Variants in ABCA1 observed in about 807,000 individuals in gnomAD.
ABCA1 encodes the protein ATP binding cassette subfamily A member 1.
ABCA1 carries 133 observed loss-of-function variants against 262.5 expected under a neutral mutation model. The ratio of observed to expected loss-of-function variants is 0.51; its 90% CI spans 0.44 to 0.59. ABCA1 has a LOEUF of 0.59. Ranked by LOEUF, ABCA1 falls within the 20% of genes least tolerant of loss-of-function variation. The probability of loss-of-function intolerance (pLI) is 0.00; values close to 1 mark genes in which losing one functional copy is unlikely to be tolerated. For synonymous variants in ABCA1, 1,022 were observed against 1,043.5 expected (o/e 0.98, Z 0.40); for missense variants, 2,452 against 2,777.5 (o/e 0.88, Z 2.63).
intron 7 of ABCA1, among the ~76,000 whole-genome samples, chr9:104,850,514 A>C (rs1270391618): frequency 6.6e-6 from 1 of 152,268 alleles, no homozygotes; most frequent in African/African-American, 2.4e-5. Context: ...TAAAAGAGGA[A>C]GGACAGGTGA....
At chr9:104,807,322 A>G (rs1422762350) in intron 30 of ABCA1, among the ~76,000 whole-genome samples, 1 of 152,230 alleles carries the variant, frequency 6.6e-6, no homozygotes, top group Non-Finnish European at 1.5e-5. Context: ...GATAAGACAC[A>G]AAGCCTTCAA....
intron 2 of ABCA1, among the ~76,000 whole-genome samples, chr9:104,902,138 T>A (rs939473456): frequency 7.9e-5 from 12 of 152,202 alleles, no homozygotes; most frequent in Non-Finnish European, 1.5e-4. Flanking sequence ...TGAGGGATTA[T>A]ATTTAAGTTC....
intron 14 of ABCA1, 26 bp from the exon 15 acceptor site, chr9:104,829,164 G>C: frequency 1.2e-6 from 2 of 1,613,122 alleles, no homozygotes; most frequent in East Asian, 4.5e-5. Flanking sequence ...AAGGACAAGG[G>C]GAGAAAGAAA....
chr9:104,810,224 C>T (rs965662606), intron 29 of ABCA1, among the ~76,000 whole-genome samples: 31 of 149,222 alleles, frequency 2.1e-4, no homozygotes, highest in African/African-American at 7.4e-4. Flanking sequence ...CCCCCATCTA[C>T]AGGTCTACAA....
At chr9:104,870,546 C>T (rs958920119) in intron 5 of ABCA1, among the ~76,000 whole-genome samples, 4 of 152,202 alleles carry the variant, frequency 2.6e-5, no homozygotes, top group Non-Finnish European at 5.9e-5. Context: ...AAAGTTCATA[C>T]ATTGAAACTT....
chr9:104,833,621 CT>C (rs1833541960), intron 11 of ABCA1, among the ~76,000 whole-genome samples: 1 of 152,214 alleles, frequency 6.6e-6, no homozygotes, highest in Non-Finnish European at 1.5e-5. Context: ...GCACCTCCCC[CT>C]CCCCACTGTG....
intron 31 of ABCA1, among the ~76,000 whole-genome samples, chr9:104,805,175 A>G (rs1830657273): frequency 6.6e-6 from 1 of 152,158 alleles, no homozygotes. Flanking sequence ...CCCAGGTTCA[A>G]GCAATTCTCC....
chr9:104,879,914 G>A (rs1007389175), intron 5 of ABCA1, among the ~76,000 whole-genome samples: 1 of 152,138 alleles, frequency 6.6e-6, no homozygotes, highest in African/African-American at 2.4e-5. Context: ...TTCCATAAGA[G>A]GAAAGGAGGC....
At position 104,855,918 on chromosome 9, in the gene ABCA1, A is replaced by T. The variant is rs1835797882; in HGVS notation, c.720+2604T>A. The T allele has an allele frequency of 1.6e-5, 25 of 1,612,874 alleles. No homozygotes were observed. In the Middle Eastern group the frequency reaches 6.6e-4, roughly 43 times the overall value. On this transcript the variant is annotated intron_variant, in intron 7 of 49. Transcript: ENST00000374736. The stretch of plus-strand genomic sequence containing the variant: ...CACTCACGCACACACAAAAGGAGAA[A>T]TGTTTCAAAATATGTCTCTCGTGAA...
intron 4 of ABCA1, among the ~76,000 whole-genome samples, 173 bp from the exon 5 acceptor site, chr9:104,883,330 C>T (rs1838855394): frequency 6.6e-6 from 1 of 152,060 alleles, no homozygotes. Context: ...TCACCATGTT[C>T]CCTCCCCCAC....
chr9:104,837,673 C>T (rs1833945930), intron 9 of ABCA1, 106 bp from the exon 10 acceptor site: 11 of 1,333,574 alleles, frequency 8.2e-6, no homozygotes, highest in Non-Finnish European at 1.2e-5. Context: ...CCCAGCTCTA[C>T]CACTACTAGT....
At chr9:104,859,357 A>G (rs2482420) in intron 6 of ABCA1, among the ~76,000 whole-genome samples, 58,432 of 151,518 alleles carry the variant, frequency 0.39, 13,071 homozygotes, top group African/African-American at 0.63. Flanking sequence ...GCCTTTCTGG[A>G]CCTAAACTAT....
chr9:104,924,669 C>G (rs973884174), intron 1 of ABCA1, among the ~76,000 whole-genome samples: 2 of 151,012 alleles, frequency 1.3e-5, no homozygotes, highest in Non-Finnish European at 3.0e-5. Flanking sequence ...ATGCAAAAAC[C>G]ACATGCATTT....
chr9:104,788,379 G>A, intron 45 of ABCA1, 47 bp downstream of exon 45: 1 of 1,613,374 alleles, frequency 6.2e-7, no homozygotes, highest in Admixed American at 1.7e-5. Flanking sequence ...GGTATATATT[G>A]TCAGGATGCC....
intron 8 of ABCA1, among the ~76,000 whole-genome samples, chr9:104,842,918 TC>T (rs1196500311): frequency 6.6e-6 from 1 of 151,990 alleles, no homozygotes; most frequent in African/African-American, 2.4e-5. Flanking sequence ...GCTCCTCTCC[TC>T]CCCCCACCAC....
chr9:104,794,242 G>T, intron 40 of ABCA1, 145 bp downstream of exon 40: 1 of 1,244,926 alleles, frequency 8.0e-7, no homozygotes, highest in Non-Finnish European at 1.2e-6. Context: ...CAGCTGTGTT[G>T]GCATGAGCCC....
At chr9:104,882,604 C>T (rs1838788998) in intron 5 of ABCA1, among the ~76,000 whole-genome samples, 1 of 152,228 alleles carries the variant, frequency 6.6e-6, no homozygotes, top group South Asian at 2.1e-4. Flanking sequence ...AAATGAATTG[C>T]ATTCTCTTTT....
intron 49 of ABCA1, 141 bp from the exon 50 acceptor site, chr9:104,784,596 T>C (rs1828745594): frequency 2.9e-6 from 3 of 1,022,206 alleles, no homozygotes; most frequent in Middle Eastern, 3.1e-4. Context: ...GAAAACTGTG[T>C]GTGAAGGAGG....
At chr9:104,898,123 G>A (rs1214126509) in intron 2 of ABCA1, among the ~76,000 whole-genome samples, 1 of 152,132 alleles carries the variant, frequency 6.6e-6, no homozygotes, top group Non-Finnish European at 1.5e-5. Flanking sequence ...GAAGAAAACA[G>A]CATAAAATGG....
Sources: allele counts gnomAD v4.1 joint callset (sites outside exome capture counted in the v4.1 genomes callset), GRCh38; gene constraint gnomAD v4.1.1; transcripts MANE v1.5; gene names NCBI Gene and HGNC (gene_info 2026-07-23, HGNC 2026-07-21).